Variants in SLC25A26 observed in about 807,000 individuals in gnomAD.
SLC25A26 encodes the protein solute carrier family 25 member 26, also known as mitochondrial S-adenosylmethionine carrier protein.
SLC25A26 carries 36 observed loss-of-function variants against 37.8 expected under a neutral mutation model. The observed-to-expected ratio is 0.95, with a 90% CI of 0.73 to 1.26. The LOEUF (loss-of-function observed/expected upper bound fraction) is 1.26. Among genes scored for constraint, SLC25A26 ranks in the 50% most tolerant of loss-of-function variants. The pLI, the probability that SLC25A26 is intolerant of heterozygous loss-of-function variation, is 0.00. For synonymous variants in SLC25A26, 129 were observed against 122.5 expected (o/e 1.05, Z -0.35); for missense variants, 390 against 331.1 (o/e 1.18, Z -1.38).
At chr3:66,278,968 C>T (rs758684387) in intron 5 of SLC25A26, among the ~76,000 whole-genome samples, 9 of 152,114 alleles carry the variant, frequency 5.9e-5, no homozygotes, top group Non-Finnish European at 1.2e-4. Context: ...CATGAATGAT[C>T]AGACCATGTA....
intron 1 of SLC25A26, among the ~76,000 whole-genome samples, chr3:66,175,140 T>TACAC (rs1227038410): frequency 8.1e-4 from 54 of 66,972 alleles, no homozygotes; most frequent in African/African-American, 3.1e-3. Context: ...TATATATATA[T>TACAC]ACACACACAC....
intron 3 of SLC25A26, 93 bp downstream of exon 3, chr3:66,243,405 T>A (rs935902398): frequency 1.6e-6 from 1 of 638,090 alleles, no homozygotes; most frequent in African/African-American, 1.9e-5. Context: ...AAAAATTATT[T>A]TTAAATTATG....
At chr3:66,348,052 A>G (rs772262496) in intron 6 of SLC25A26, among the ~76,000 whole-genome samples, 59 of 152,246 alleles carry the variant, frequency 3.9e-4, no homozygotes, top group Admixed American at 1.1e-3. Flanking sequence ...ATGGGTTGAT[A>G]CATGCAACAA....
rs75313067 is a variant in SLC25A26, at chr3:66,244,543, C to G, written c.300+1231C>G. Among the ~76,000 whole-genome samples, 472 of 152,268 alleles carry G rather than the reference C, an allele frequency of 3.1e-3. 3 individuals are homozygous for G. The highest frequency in any genetic ancestry group is 0.017 in the East Asian group (86 of 5,178). On this transcript the variant is annotated intron_variant, in intron 3 of 9. Transcript: ENST00000354883. ...TTCAAGCATAATTGGAACTTAATAA[C>G]AATAGCCCACAGGGCCAGTTTTAGT...
intron 1 of SLC25A26, among the ~76,000 whole-genome samples, chr3:66,205,798 A>G (rs1315268321): frequency 6.6e-6 from 1 of 152,126 alleles, no homozygotes; most frequent in Non-Finnish European, 1.5e-5. Context: ...ACATCCAACT[A>G]AGGCCATTTG....
intron 6 of SLC25A26, among the ~76,000 whole-genome samples, chr3:66,348,915 C>CT (rs1559726307): frequency 6.6e-6 from 1 of 152,148 alleles, no homozygotes; most frequent in East Asian, 1.9e-4. Context: ...AACAGCTCTC[C>CT]TTTTTAGTGT....
chr3:66,341,821 A>G (rs1278709279), intron 5 of SLC25A26, among the ~76,000 whole-genome samples: 1 of 152,128 alleles, frequency 6.6e-6, no homozygotes, highest in Non-Finnish European at 1.5e-5. Context: ...AATGAACTGT[A>G]GTTGTTAAAT....
At chr3:66,320,659 C>T (rs1237668772) in intron 5 of SLC25A26, among the ~76,000 whole-genome samples, 1 of 152,158 alleles carries the variant, frequency 6.6e-6, no homozygotes, top group East Asian at 1.9e-4. Context: ...GAGGAAGCCT[C>T]AAACTGTTTT....
chr3:66,227,180 T>G (rs1241758907), intron 1 of SLC25A26, among the ~76,000 whole-genome samples: 1 of 152,230 alleles, frequency 6.6e-6, no homozygotes, highest in Admixed American at 6.5e-5. Context: ...TTCATCCTTT[T>G]CATCACAACT....
intron 7 of SLC25A26, among the ~76,000 whole-genome samples, chr3:66,368,726 C>A (rs909028520): frequency 3.3e-5 from 5 of 152,108 alleles, no homozygotes; most frequent in Admixed American, 2.6e-4. Flanking sequence ...CTTTAAAGAA[C>A]AGTGGTCCAG....
intron 5 of SLC25A26, among the ~76,000 whole-genome samples, chr3:66,268,337 T>C (rs1388273312): frequency 6.6e-6 from 1 of 152,208 alleles, no homozygotes; most frequent in African/African-American, 2.4e-5. Flanking sequence ...AAATTGCTCT[T>C]TAGGGAAGTA....
At chr3:66,371,824 G>A (rs754976252) in intron 9 of SLC25A26, among the ~76,000 whole-genome samples, 21 of 152,184 alleles carry the variant, frequency 1.4e-4, no homozygotes, top group Non-Finnish European at 2.6e-4. Context: ...GGGGCCGGGT[G>A]CGGGGCTCAC....
chr3:66,290,219 GT>G (rs1215439356), intron 5 of SLC25A26, among the ~76,000 whole-genome samples: 1 of 152,202 alleles, frequency 6.6e-6, no homozygotes, highest in East Asian at 1.9e-4. Context: ...TTTGGGCAGA[GT>G]CGATGGGGTT....
chr3:66,318,209 C>T, intron 5 of SLC25A26, among the ~76,000 whole-genome samples: 1 of 152,288 alleles, frequency 6.6e-6, no homozygotes, highest in African/African-American at 2.4e-5. Context: ...TATGCAAATA[C>T]TCCTATGTCT....
chr3:66,239,086 C>T (rs1442245831), intron 2 of SLC25A26, among the ~76,000 whole-genome samples: 2 of 152,084 alleles, frequency 1.3e-5, no homozygotes, highest in African/African-American at 4.8e-5. Context: ...CCTTTCTGCT[C>T]GATTGTCTGA....
intron 5 of SLC25A26, among the ~76,000 whole-genome samples, chr3:66,322,157 G>A (rs1436694163): frequency 6.6e-6 from 1 of 152,170 alleles, no homozygotes; most frequent in Non-Finnish European, 1.5e-5. Flanking sequence ...TTGAAGATGA[G>A]TGTGGGGAGG....
At chr3:66,360,431 T>C (rs2076671040) in intron 6 of SLC25A26, among the ~76,000 whole-genome samples, 1 of 152,090 alleles carries the variant, frequency 6.6e-6, no homozygotes, top group East Asian at 1.9e-4. Context: ...TTACCTTAAT[T>C]GGAGAGGAAG....
Position 66,377,879 on chromosome 3 carries a change from G to A in SLC25A26, c.*72G>A, listed in dbSNP as rs185681909. On this transcript the variant is annotated 3_prime_UTR_variant, in exon 10 of 10. Coordinates refer to ENST00000354883, the MANE Select transcript of SLC25A26 (RefSeq NM_001379210.1). ...AGTGCAAACCCTCTTCCGCTGAGCA[G>A]CTGTCTGAACTATAGGCCCCAGTGC... 5 of 1,189,106 alleles carry A rather than the reference G, an allele frequency of 4.2e-6. No homozygotes were observed. In the African/African-American group the frequency reaches 7.5e-5, roughly 18 times the overall value. The allele number at this position is 1,189,106 out of a possible 1,614,324, so 73.7% of individuals were successfully genotyped here.
At chr3:66,324,477 G>C (rs1312411686) in intron 5 of SLC25A26, among the ~76,000 whole-genome samples, 11 of 152,216 alleles carry the variant, frequency 7.2e-5, no homozygotes, top group Middle Eastern at 3.4e-3. Flanking sequence ...CAATTGGGGA[G>C]GTTAGGAATC....
Sources: gnomAD v4.1 joint callset for allele counts (sites outside exome capture counted in the v4.1 genomes callset) on GRCh38, gnomAD v4.1.1 for gene constraint, MANE v1.5 for transcripts, NCBI Gene and HGNC (gene_info 2026-07-23, HGNC 2026-07-21) for gene names.